KCTD8: variants seen among roughly 807,000 people sequenced by gnomAD.
The protein encoded by KCTD8 is potassium channel tetramerization domain containing 8.
A neutral mutation model predicts 31.5 loss-of-function variants in KCTD8; 27 were observed. The observed-to-expected ratio is 0.86, with a 90% CI of 0.63 to 1.18. The LOEUF is 1.18. Among genes scored for constraint, KCTD8 ranks in the 50% most tolerant of loss-of-function variants. KCTD8 has a pLI of 0.00. For missense variants in KCTD8, 658 were observed against 647.7 expected (o/e 1.02, Z -0.17); for synonymous variants, 290 against 280.0 (o/e 1.04, Z -0.36).
At chr4:44,323,509 C>CCA (rs1553901408) in intron 1 of KCTD8, among the ~76,000 whole-genome samples, 55 of 136,788 alleles carry the variant, frequency 4.0e-4, no homozygotes, top group East Asian at 2.0e-3. Context: ...CACCCCCCCC[C>CCA]AAAAAAAATT....
At chr4:44,278,261 A>C (rs1716807730) in intron 1 of KCTD8, among the ~76,000 whole-genome samples, 1 of 152,046 alleles carries the variant, frequency 6.6e-6, no homozygotes, top group Non-Finnish European at 1.5e-5. Flanking sequence ...ACTTTCACTC[A>C]TAATACTGTA....
At chr4:44,213,353 C>T (rs1225058227) in intron 1 of KCTD8, among the ~76,000 whole-genome samples, 1 of 152,064 alleles carries the variant, frequency 6.6e-6, no homozygotes, top group Non-Finnish European at 1.5e-5. Flanking sequence ...TGTAAATTTA[C>T]TATGAACATG....
At chr4:44,434,985 T>A (rs1016014582) in intron 1 of KCTD8, among the ~76,000 whole-genome samples, 1 of 714 alleles carries the variant, frequency 1.4e-3, no homozygotes, top group Non-Finnish European at 2.4e-3. Context: ...TATCTTGCAC[T>A]TCACTGATTT....
chr4:44,253,999 A>G (rs1035379262), intron 1 of KCTD8, among the ~76,000 whole-genome samples: 2 of 151,850 alleles, frequency 1.3e-5, no homozygotes, highest in Admixed American at 1.3e-4. Context: ...AGGGACAGTA[A>G]AAAAGGCAAC....
intron 1 of KCTD8, among the ~76,000 whole-genome samples, chr4:44,306,501 CT>C (rs372008443): frequency 4.1e-4 from 63 of 152,088 alleles, no homozygotes; most frequent in African/African-American, 1.3e-3. Flanking sequence ...GAATTCTAGT[CT>C]CCTTAGTTCA....
At chr4:44,271,388 C>T (rs1038767) in intron 1 of KCTD8, among the ~76,000 whole-genome samples, 9,136 of 152,166 alleles carry the variant, frequency 0.06, 379 homozygotes, top group Admixed American at 0.14. Flanking sequence ...GACAGAATAG[C>T]ATAATGGCTA....
At chr4:44,266,749 C>T (rs943475741) in intron 1 of KCTD8, among the ~76,000 whole-genome samples, 8 of 152,048 alleles carry the variant, frequency 5.3e-5, no homozygotes, top group African/African-American at 1.9e-4. Flanking sequence ...CAATCCTAGT[C>T]TCTGATAAAA....
In KCTD8 at chr4:44,350,544, C is replaced by A. The variant is rs1029863005; in HGVS notation, c.961+97019G>T. The stretch of plus-strand genomic sequence containing the variant: ...AGCACAACACTTGAAATAGCAGCTC[C>A]TAAAAAGTATTTTAATTTAACATCA... On this transcript the variant is annotated intron_variant, in intron 1 of 1. Coordinates refer to ENST00000360029, the MANE Select transcript of KCTD8 (RefSeq NM_198353.3). 2.6e-5 allele frequency among the ~76,000 whole-genome samples: 4 copies of A among 152,034 alleles called. No individual in the cohort carries two copies. The East Asian group carries it at 7.7e-4, about 29-fold the overall frequency.
At chr4:44,213,088 C>T (rs2091950341) in intron 1 of KCTD8, among the ~76,000 whole-genome samples, 1 of 152,040 alleles carries the variant, frequency 6.6e-6, no homozygotes, top group Admixed American at 6.6e-5. Context: ...CAGGCGCCCG[C>T]CACCATGCCC....
intron 1 of KCTD8, among the ~76,000 whole-genome samples, chr4:44,181,511 G>C (rs1015286912): frequency 5.9e-5 from 9 of 152,220 alleles, no homozygotes; most frequent in African/African-American, 2.2e-4. Context: ...GCCCCCCGAG[G>C]CGCCGGGATT....
intron 1 of KCTD8, among the ~76,000 whole-genome samples, chr4:44,197,004 C>A (rs545802229): frequency 6.6e-6 from 1 of 152,280 alleles, no homozygotes; most frequent in South Asian, 2.1e-4. Context: ...CTGCTCCTAG[C>A]CAGGTGGAAC....
Position 44,174,486 on chromosome 4 carries a change from C to A in KCTD8, c.*304G>T. The A allele has an allele frequency of 4.3e-6, 1 of 233,262 alleles. No individual in the cohort carries two copies. Among genetic ancestry groups the A allele is most frequent in the Non-Finnish European group, 8.2e-6 (1 of 121,278 alleles). 14.4% of individuals were successfully genotyped at this position (233,262 alleles called of 1,614,324 possible). A position where few individuals can be genotyped will look rare whatever the true frequency, so the allele number is the denominator to read the frequency against. On this transcript the variant is annotated 3_prime_UTR_variant, in exon 2 of 2. Coordinates refer to ENST00000360029, the MANE Select transcript of KCTD8 (RefSeq NM_198353.3). The stretch of plus-strand genomic sequence containing the variant: ...CAAAATGACAAACATATCCAGTTGA[C>A]CAGAGTTCAAAAACCAAGATACTAA...
intron 1 of KCTD8, among the ~76,000 whole-genome samples, chr4:44,375,015 T>C (rs1560439271): frequency 6.6e-6 from 1 of 152,178 alleles, no homozygotes. Context: ...CAAAGTGAAA[T>C]AAAGTGCAGT....
intron 1 of KCTD8, among the ~76,000 whole-genome samples, chr4:44,193,953 A>G (rs1202614749): frequency 6.6e-6 from 1 of 152,216 alleles, no homozygotes; most frequent in Non-Finnish European, 1.5e-5. Flanking sequence ...AAATTTACAG[A>G]GTGAAATTAG....
At chr4:44,278,820 C>T (rs1317215140) in intron 1 of KCTD8, among the ~76,000 whole-genome samples, 1 of 152,018 alleles carries the variant, frequency 6.6e-6, no homozygotes, top group African/African-American at 2.4e-5. Flanking sequence ...TCCATTATTT[C>T]TCAGATATGG....
chr4:44,184,934 G>A (rs898463999), intron 1 of KCTD8, among the ~76,000 whole-genome samples: 10 of 152,144 alleles, frequency 6.6e-5, no homozygotes, highest in Non-Finnish European at 1.5e-5. Context: ...TCAGGAGGCT[G>A]ATTTGTATTA....
intron 1 of KCTD8, among the ~76,000 whole-genome samples, chr4:44,272,545 T>C (rs1353473828): frequency 6.6e-6 from 1 of 152,060 alleles, no homozygotes; most frequent in Non-Finnish European, 1.5e-5. Context: ...AATTATAATC[T>C]ATTCAGGAAA....
At chr4:44,319,461 T>TAAA (rs752761296) in intron 1 of KCTD8, among the ~76,000 whole-genome samples, 1,874 of 136,442 alleles carry the variant, frequency 0.014, 47 homozygotes, top group African/African-American at 0.047. Flanking sequence ...ACCCCTGTGG[T>TAAA]AAAAAAAAAA....
intron 1 of KCTD8, among the ~76,000 whole-genome samples, chr4:44,366,381 T>C (rs1003512468): frequency 6.6e-6 from 1 of 152,056 alleles, no homozygotes; most frequent in Admixed American, 6.6e-5. Context: ...ATGGGTGAGT[T>C]CTCACAAGAT....
Sources: gnomAD v4.1 joint callset for allele counts (sites outside exome capture counted in the v4.1 genomes callset) on GRCh38, gnomAD v4.1.1 for gene constraint, MANE v1.5 for transcripts, NCBI Gene and HGNC (gene_info 2026-07-23, HGNC 2026-07-21) for gene names.